The following AGTPBP1 variants were observed in gnomAD, a reference collection of about 807,000 sequenced individuals.
AGTPBP1 encodes cytosolic carboxypeptidase 1.
A neutral mutation model predicts 143.9 loss-of-function variants in AGTPBP1; 70 were observed. That is an observed-to-expected ratio of 0.49 (90% CI 0.40 to 0.59). AGTPBP1 has a LOEUF of 0.59. AGTPBP1 is among the 20% of genes least tolerant of loss of function. The probability of loss-of-function intolerance (pLI) is 0.00; values close to 1 mark genes in which losing one functional copy is unlikely to be tolerated. For synonymous variants in AGTPBP1, 463 were observed against 500.2 expected (o/e 0.93, Z 0.99); for missense variants, 1,229 against 1,464.5 (o/e 0.84, Z 2.62).
At chr9:85,798,219 T>C in the AGTPBP1 span, among the ~76,000 whole-genome samples, 1 of 152,110 alleles carries the variant, frequency 6.6e-6, no homozygotes, top group African/African-American at 2.4e-5. Context: ...TTTCTGTTTC[T>C]TGATATACAC....
intron 1 of AGTPBP1, among the ~76,000 whole-genome samples, chr9:85,723,134 G>C (rs1838240828): frequency 1.3e-5 from 2 of 152,186 alleles, no homozygotes; most frequent in South Asian, 2.1e-4. Context: ...TGGGGGTCAG[G>C]GACCCACTTG....
At chr9:85,661,727 T>C (rs1038242237) in intron 8 of AGTPBP1, among the ~76,000 whole-genome samples, 6 of 152,142 alleles carry the variant, frequency 3.9e-5, no homozygotes, top group Non-Finnish European at 2.9e-5. Context: ...ATGGAAAACC[T>C]GTAATTCAAA....
At chr9:85,591,996 C>A (rs370944504) in intron 19 of AGTPBP1, among the ~76,000 whole-genome samples, 2 of 152,118 alleles carry the variant, frequency 1.3e-5, no homozygotes, top group Admixed American at 6.6e-5. Flanking sequence ...AGGTTTCACA[C>A]AAAACAACTC....
the AGTPBP1 span, among the ~76,000 whole-genome samples, chr9:85,758,912 AGGGAT>A: frequency 6.6e-6 from 1 of 152,174 alleles, no homozygotes; most frequent in Non-Finnish European, 1.5e-5. Context: ...CTCAAAATAA[AGGGAT>A]GGAGGAAGAT....
chr9:85,745,128 T>C (rs1053468766), upstream of AGTPBP1, among the ~76,000 whole-genome samples: 6 of 152,236 alleles, frequency 3.9e-5, no homozygotes, highest in African/African-American at 1.4e-4. Context: ...GAGGTGAACA[T>C]TGGAGCCCAG....
At chr9:85,588,263 T>C in intron 21 of AGTPBP1, 35 bp downstream of exon 21, 1 of 1,532,862 alleles carries the variant, frequency 6.5e-7, no homozygotes, top group Admixed American at 2.0e-5. Context: ...ACCACAATGG[T>C]CTTGAATATA....
chr9:85,565,068 G>C (rs1419389076), intron 25 of AGTPBP1, among the ~76,000 whole-genome samples: 1 of 152,140 alleles, frequency 6.6e-6, no homozygotes, highest in Non-Finnish European at 1.5e-5. Context: ...ACAATCTCCA[G>C]AACTGTGAGA....
chr9:85,693,173 A>G (rs1835992619), intron 2 of AGTPBP1, among the ~76,000 whole-genome samples: 1 of 152,180 alleles, frequency 6.6e-6, no homozygotes, highest in South Asian at 2.1e-4. Flanking sequence ...ATCCGACTCC[A>G]TTCTCAGTTA....
chr9:85,770,954 T>C, the AGTPBP1 span, among the ~76,000 whole-genome samples: 8 of 152,270 alleles, frequency 5.3e-5, no homozygotes, highest in African/African-American at 1.7e-4. Flanking sequence ...GTGGCAAAGA[T>C]AATAGTAGAT....
chr9:85,639,985 C>A (rs966185958), intron 13 of AGTPBP1, among the ~76,000 whole-genome samples: 2 of 152,100 alleles, frequency 1.3e-5, no homozygotes, highest in Non-Finnish European at 1.5e-5. Context: ...ACAAAGCAGG[C>A]GGTGTTCAAG....
chr9:85,683,125 CA>C (rs1270355351), intron 3 of AGTPBP1, among the ~76,000 whole-genome samples: 1 of 152,114 alleles, frequency 6.6e-6, no homozygotes, highest in East Asian at 1.9e-4. Context: ...TAATATTCAC[CA>C]GTTCCTTGCT....
At chr9:85,726,890 A>G (rs921256444) in intron 1 of AGTPBP1, among the ~76,000 whole-genome samples, 1 of 152,232 alleles carries the variant, frequency 6.6e-6, no homozygotes, top group Admixed American at 6.5e-5. Context: ...GGTGGTGAGA[A>G]TCTACTATAA....
intron 8 of AGTPBP1, among the ~76,000 whole-genome samples, 160 bp from the exon 9 acceptor site, chr9:85,661,133 T>G (rs144430778): frequency 4.7e-4 from 71 of 152,080 alleles, no homozygotes; most frequent in African/African-American, 1.6e-3. Flanking sequence ...TCCGTATGCA[T>G]CTCTCTCTTC....
intron 17 of AGTPBP1, among the ~76,000 whole-genome samples, chr9:85,602,297 T>C (rs1204162740): frequency 2.6e-5 from 4 of 152,062 alleles, no homozygotes; most frequent in Admixed American, 1.3e-4. Context: ...AAAACAGATA[T>C]CATTTTTTAA....
intron 25 of AGTPBP1, among the ~76,000 whole-genome samples, chr9:85,549,983 C>T (rs779223690): frequency 1.3e-5 from 2 of 152,186 alleles, no homozygotes; most frequent in Non-Finnish European, 2.9e-5. Context: ...ACTCTTGTTT[C>T]TCCAGGTCCT....
At chr9:85,667,374 A>C (rs1834192238) in intron 8 of AGTPBP1, among the ~76,000 whole-genome samples, 1 of 152,160 alleles carries the variant, frequency 6.6e-6, no homozygotes. Context: ...AGTCAAATCA[A>C]ATAGTTCATG....
rs184082616 is a variant in AGTPBP1 at position 85,741,146 on chromosome 9, G to A, written c.-34+629C>T. On this transcript the variant is annotated intron_variant, in intron 1 of 25. Coordinates refer to ENST00000357081, the MANE Select transcript of AGTPBP1 (RefSeq NM_001330701.2). The stretch of plus-strand genomic sequence containing the variant: ...AGGAAACTCTGCACTGTCATCCAGG[G>A]TGATCTGATTCAGGTTCAAACCAAA... The A allele has an allele frequency of 3.0e-4, 261 of 875,002 alleles. 2 individuals carry two copies. The African/African-American group carries it at 3.5e-3, about 12-fold the overall frequency. 54.2% of individuals were successfully genotyped at this position (875,002 alleles called of 1,614,324 possible). A position where few individuals can be genotyped will look rare whatever the true frequency, so the allele number is the denominator to read the frequency against.
intron 13 of AGTPBP1, among the ~76,000 whole-genome samples, chr9:85,634,912 C>A (rs1047416680): frequency 1.3e-5 from 2 of 152,122 alleles, no homozygotes; most frequent in Non-Finnish European, 2.9e-5. Context: ...GTATCTATTT[C>A]AACTGCTCTC....
intron 2 of AGTPBP1, among the ~76,000 whole-genome samples, chr9:85,703,420 C>T (rs1256667237): frequency 1.3e-5 from 2 of 152,130 alleles, no homozygotes; most frequent in Admixed American, 6.5e-5. Flanking sequence ...ATGATAAAAG[C>T]CTGGTCAAGG....
Sources: gnomAD v4.1 joint callset for allele counts (sites outside exome capture counted in the v4.1 genomes callset) on GRCh38, gnomAD v4.1.1 for gene constraint, MANE v1.5 for transcripts, NCBI Gene and HGNC (gene_info 2026-07-23, HGNC 2026-07-21) for gene names.